Variants in TENM3 observed in about 807,000 individuals in gnomAD.
TENM3 encodes teneurin-3.
A neutral mutation model predicts 255.1 loss-of-function variants in TENM3; 63 were observed. The observed-to-expected ratio is 0.25, with a 90% CI of 0.20 to 0.30. The LOEUF (loss-of-function observed/expected upper bound fraction) is 0.30. Among genes scored for constraint, TENM3 ranks in the 10% least tolerant of loss-of-function variants. The pLI is 1.00. For synonymous variants in TENM3, 1,306 were observed against 1,322.3 expected, an observed-to-expected ratio of 0.99 and a Z score of 0.27; for missense variants, 2,929 against 3,461.1, an observed-to-expected ratio of 0.85 and a Z score of 3.86.
the TENM3 span, among the ~76,000 whole-genome samples, chr4:181,863,806 C>T: frequency 2.0e-5 from 3 of 151,950 alleles, no homozygotes; most frequent in East Asian, 3.9e-4. Context: ...ATTTTCCAAG[C>T]GAAAAAGACC....
At position 182,632,466 on chromosome 4, in the gene TENM3, A is replaced by G. The variant is rs187324871; in HGVS notation, c.988+3577A>G. Among the ~76,000 whole-genome samples the G allele has an allele frequency of 1.1e-3, 167 of 152,286 alleles. 1 individual carries two copies. The East Asian group carries it at 0.025, about 23-fold the overall frequency. The stretch of plus-strand genomic sequence containing the variant: ...TTATGCATATTTTTAACTTTTGCCA[A>G]TCTCTTAGGTTAAAAGGTTGTTATT... On this transcript the variant is annotated intron_variant, in intron 5 of 27. Transcript: ENST00000511685.
At chr4:181,782,766 A>C in the TENM3 span, among the ~76,000 whole-genome samples, 1 of 152,170 alleles carries the variant, frequency 6.6e-6, no homozygotes, top group African/African-American at 2.4e-5. Context: ...TTAGTGCTAT[A>C]AATTTCCCTC....
chr4:182,418,948 G>A (rs1303833262), intron 3 of TENM3, among the ~76,000 whole-genome samples: 7 of 152,140 alleles, frequency 4.6e-5, no homozygotes, highest in Non-Finnish European at 8.8e-5. Context: ...TCTGCGGCAC[G>A]TTCCGTCCTT....
intron 14 of TENM3, among the ~76,000 whole-genome samples, chr4:182,729,684 A>C (rs1166757542): frequency 6.6e-6 from 1 of 152,208 alleles, no homozygotes. Flanking sequence ...CTCACTGAGC[A>C]AAAGAAGATG....
chr4:182,290,860 G>T (rs137902085), intron 1 of TENM3, among the ~76,000 whole-genome samples: 3,409 of 150,046 alleles, frequency 0.023, 48 homozygotes, highest in Non-Finnish European at 0.031. Context: ...TTGCTTTGTC[G>T]CCCAGGCAGG....
intron 3 of TENM3, among the ~76,000 whole-genome samples, chr4:182,503,923 T>G (rs1487197996): frequency 2.6e-5 from 4 of 152,134 alleles, no homozygotes; most frequent in African/African-American, 7.2e-5. Flanking sequence ...ATTTAAAGTT[T>G]TATTACTCTT....
the TENM3 span, among the ~76,000 whole-genome samples, chr4:181,836,602 C>T: frequency 1.3e-5 from 2 of 152,096 alleles, no homozygotes; most frequent in Non-Finnish European, 2.9e-5. Flanking sequence ...GCTACACATG[C>T]GTAACTCAGT....
chr4:181,968,396 T>G, the TENM3 span, among the ~76,000 whole-genome samples: 1 of 152,176 alleles, frequency 6.6e-6, no homozygotes, highest in Admixed American at 6.5e-5. Flanking sequence ...TCTCGCCAGG[T>G]GAGGGTCATC....
At position 182,800,274 on chromosome 4, in the gene TENM3, G is replaced by A; in HGVS notation, c.8023G>A (p.Val2675Met). 1.3e-6 allele frequency: 2 copies of A among 1,594,402 alleles called. No homozygotes were observed. Among genetic ancestry groups the A allele is most frequent in the Non-Finnish European group, 1.7e-6 (2 of 1,178,500 alleles). ...CTACGACGGGTACTACGTACTCTCGGTGGAGCAGTACCCCGAGCTGGCCGA... is the reference window on the plus strand; with the variant it reads ...CTACGACGGGTACTACGTACTCTCGATGGAGCAGTACCCCGAGCTGGCCGA... ...QGYDGYYVLS[V>M]EQYPELADSA... Residue 2675 changes from valine to methionine, a missense_variant, in exon 28 of 28, where the codon GTG becomes ATG. Transcript: ENST00000511685.
At chr4:181,600,621 C>G in the TENM3 span, among the ~76,000 whole-genome samples, 1 of 151,698 alleles carries the variant, frequency 6.6e-6, no homozygotes, top group African/African-American at 2.4e-5. Flanking sequence ...CCTGGGGACT[C>G]TGATTGCCTG....
chr4:182,148,187 T>G (rs1470672927), intron 1 of TENM3, among the ~76,000 whole-genome samples: 1 of 152,134 alleles, frequency 6.6e-6, no homozygotes, highest in African/African-American at 2.4e-5. Context: ...TGCGTTCATT[T>G]TGAGTGCTGT....
chr4:181,749,292 G>T, the TENM3 span, among the ~76,000 whole-genome samples: 1 of 151,976 alleles, frequency 6.6e-6, no homozygotes. Flanking sequence ...AAAGAAAAAT[G>T]CATCTTGCAG....
At chr4:181,488,498 T>C in the TENM3 span, among the ~76,000 whole-genome samples, 2 of 152,182 alleles carry the variant, frequency 1.3e-5, no homozygotes, top group Non-Finnish European at 1.5e-5. Context: ...TACTTATAAT[T>C]TGATTTTGAA....
intron 6 of TENM3, among the ~76,000 whole-genome samples, chr4:182,669,436 A>T (rs1433542048): frequency 3.3e-5 from 5 of 151,740 alleles, no homozygotes; most frequent in African/African-American, 1.2e-4. Flanking sequence ...CACCGGGCTA[A>T]TTTTTTTGTA....
intron 13 of TENM3, among the ~76,000 whole-genome samples, chr4:182,726,277 C>G (rs1333289442): frequency 2.0e-5 from 3 of 152,096 alleles, no homozygotes; most frequent in Non-Finnish European, 2.9e-5. Context: ...AGCTAGGTCT[C>G]TGTCAATTTC....
intron 1 of TENM3, among the ~76,000 whole-genome samples, chr4:182,319,013 T>C (rs1762899186): frequency 6.6e-6 from 1 of 152,162 alleles, no homozygotes; most frequent in African/African-American, 2.4e-5. Flanking sequence ...AGCAGTCCTC[T>C]CACCTCAGCC....
Position 182,775,172 on chromosome 4 carries a change from G to A in TENM3, c.5304+19G>A, listed in dbSNP as rs1431526951. 6.2e-7 allele frequency: 1 copy of A among 1,607,284 alleles called. No individual in the cohort carries two copies. Among genetic ancestry groups the A allele is most frequent in the South Asian group, 1.1e-5 (1 of 90,910 alleles). On this transcript the variant is annotated intron_variant, in intron 24 of 27. Coordinates refer to ENST00000511685, the MANE Select transcript of TENM3 (RefSeq NM_001080477.4). Reference sequence around the variant, plus strand: ...GCTCAGGGTACGTACGTGTTGTGGAGCAGGAGATAGCTGCAGCCCTCTGAT... The same window carrying A: ...GCTCAGGGTACGTACGTGTTGTGGAACAGGAGATAGCTGCAGCCCTCTGAT...
chr4:181,729,012 A>G, the TENM3 span, among the ~76,000 whole-genome samples: 1 of 152,178 alleles, frequency 6.6e-6, no homozygotes, highest in Non-Finnish European at 1.5e-5. Context: ...ATGTTGCTCT[A>G]AGTACATGCA....
At chr4:182,408,956 G>T (rs1017748335) in intron 3 of TENM3, among the ~76,000 whole-genome samples, 5 of 152,232 alleles carry the variant, frequency 3.3e-5, no homozygotes, top group African/African-American at 1.2e-4. Flanking sequence ...AAGCAGCGAA[G>T]AGGCAGATTA....
Sources: allele counts gnomAD v4.1 joint callset (sites outside exome capture counted in the v4.1 genomes callset), GRCh38; gene constraint gnomAD v4.1.1; transcripts MANE v1.5; gene names NCBI Gene and HGNC (gene_info 2026-07-23, HGNC 2026-07-21).